The following CFAP299 variants were observed in gnomAD, a reference collection of about 807,000 sequenced individuals.
The protein encoded by CFAP299 is cilia- and flagella-associated protein 299.
CFAP299 carries 21 observed loss-of-function variants against 27.0 expected under a neutral mutation model. The ratio of observed to expected loss-of-function variants is 0.78; its 90% CI spans 0.55 to 1.12. CFAP299 has a LOEUF of 1.12. CFAP299 is among the 50% of genes most tolerant of loss of function. The probability of loss-of-function intolerance (pLI) is 0.00; values close to 1 mark genes in which losing one functional copy is unlikely to be tolerated. For missense variants in CFAP299, 310 were observed against 276.6 expected, an observed-to-expected ratio of 1.12 and a Z score of -0.86; for synonymous variants, 104 against 98.1, an observed-to-expected ratio of 1.06 and a Z score of -0.36.
At chr4:80,550,181 C>G (rs1440621155) in intron 2 of CFAP299, among the ~76,000 whole-genome samples, 7 of 152,052 alleles carry the variant, frequency 4.6e-5, no homozygotes, top group Non-Finnish European at 8.8e-5. Flanking sequence ...CTGTCCATTA[C>G]TATAGATTTT....
chr4:80,432,689 C>T (rs11938275), intron 2 of CFAP299, among the ~76,000 whole-genome samples: 1 of 151,746 alleles, frequency 6.6e-6, no homozygotes, highest in Non-Finnish European at 1.5e-5. Flanking sequence ...CCCACCACCA[C>T]GCCTGGCTAA....
chr4:80,589,797 C>A (rs1736631060), intron 3 of CFAP299, among the ~76,000 whole-genome samples: 1 of 152,084 alleles, frequency 6.6e-6, no homozygotes, highest in Non-Finnish European at 1.5e-5. Context: ...CCAGTTACTT[C>A]AAATGCAAGT....
At chr4:80,773,049 G>A (rs538432573) in intron 3 of CFAP299, among the ~76,000 whole-genome samples, 1 of 152,256 alleles carries the variant, frequency 6.6e-6, no homozygotes, top group South Asian at 2.1e-4. Context: ...ATGAGATCAC[G>A]TCCTTTGCAG....
intron 3 of CFAP299, among the ~76,000 whole-genome samples, chr4:80,637,175 AAT>A (rs2109954393): frequency 6.6e-6 from 1 of 152,330 alleles, no homozygotes; most frequent in African/African-American, 2.4e-5. Flanking sequence ...TATAATGTTT[AAT>A]AAAGATAAAG....
chr4:80,857,346 T>A (rs895982596), intron 3 of CFAP299, among the ~76,000 whole-genome samples: 3 of 152,216 alleles, frequency 2.0e-5, no homozygotes, highest in African/African-American at 7.2e-5. Context: ...TCATGTCATC[T>A]GCAAACAGGG....
chr4:80,707,972 G>A (rs1351303572), intron 3 of CFAP299, among the ~76,000 whole-genome samples: 1 of 152,088 alleles, frequency 6.6e-6, no homozygotes, highest in African/African-American at 2.4e-5. Context: ...GAAGGTGCAA[G>A]CAACACAAAT....
intron 3 of CFAP299, among the ~76,000 whole-genome samples, chr4:80,640,338 A>T (rs1478714230): frequency 6.6e-6 from 1 of 152,168 alleles, no homozygotes; most frequent in Non-Finnish European, 1.5e-5. Flanking sequence ...TAGTAGACTG[A>T]GACCAGGTTG....
At chr4:80,621,352 ACT>A (rs1243672693) in intron 3 of CFAP299, among the ~76,000 whole-genome samples, 4 of 151,962 alleles carry the variant, frequency 2.6e-5, no homozygotes, top group Non-Finnish European at 4.4e-5. Flanking sequence ...ACCAAGTAAA[ACT>A]CTCTACCAAT....
chr4:80,408,593 C>A (rs1050575260), intron 2 of CFAP299, among the ~76,000 whole-genome samples: 10 of 151,158 alleles, frequency 6.6e-5, no homozygotes, highest in East Asian at 2.0e-4. Context: ...ATTTAAGGTG[C>A]CTTTGACAGT....
At chr4:80,453,776 G>C (rs1412348195) in intron 2 of CFAP299, among the ~76,000 whole-genome samples, 1 of 150,356 alleles carries the variant, frequency 6.7e-6, no homozygotes, top group African/African-American at 2.4e-5. Context: ...GGGAGGTGGA[G>C]GTAGTGGTGA....
chr4:80,519,645 A>G (rs1428911420), intron 2 of CFAP299, among the ~76,000 whole-genome samples: 1 of 152,192 alleles, frequency 6.6e-6, no homozygotes, highest in East Asian at 1.9e-4. Flanking sequence ...TAATATAGGG[A>G]TCATTATAAA....
intron 3 of CFAP299, among the ~76,000 whole-genome samples, chr4:80,671,588 T>G (rs974718213): frequency 6.6e-6 from 1 of 152,184 alleles, no homozygotes; most frequent in Non-Finnish European, 1.5e-5. Context: ...CCTTGGGCAG[T>G]ATGGCCATTT....
At chr4:80,411,233 T>A (rs1054086484) in intron 2 of CFAP299, among the ~76,000 whole-genome samples, 7 of 152,180 alleles carry the variant, frequency 4.6e-5, no homozygotes, top group African/African-American at 1.7e-4. Context: ...ACATAGGATA[T>A]TGAAAACTTC....
At chr4:80,958,094 T>C (rs1189822896) in intron 5 of CFAP299, among the ~76,000 whole-genome samples, 3 of 152,128 alleles carry the variant, frequency 2.0e-5, no homozygotes, top group Admixed American at 6.6e-5. Flanking sequence ...CAAGAAACTC[T>C]GTCCGTAAGA....
intron 3 of CFAP299, among the ~76,000 whole-genome samples, chr4:80,710,036 G>A (rs1163588544): frequency 1.3e-5 from 2 of 152,014 alleles, no homozygotes; most frequent in African/African-American, 4.8e-5. Context: ...TCCATAAAGT[G>A]GGAATAATAC....
chr4:80,459,609 T>G (rs1729339584), intron 2 of CFAP299, among the ~76,000 whole-genome samples: 1 of 152,172 alleles, frequency 6.6e-6, no homozygotes, highest in Non-Finnish European at 1.5e-5. Context: ...GAGGCAAGAA[T>G]TCAGGTTGCT....
At chr4:80,496,385 G>C (rs1346939677) in intron 2 of CFAP299, among the ~76,000 whole-genome samples, 1 of 152,100 alleles carries the variant, frequency 6.6e-6, no homozygotes, top group Non-Finnish European at 1.5e-5. Flanking sequence ...AGATTCCTGG[G>C]GCATGAACAC....
intron 3 of CFAP299, among the ~76,000 whole-genome samples, chr4:80,649,681 T>G (rs767956696): frequency 6.6e-6 from 1 of 152,102 alleles, no homozygotes. Flanking sequence ...TAATAAACTT[T>G]TAGATCAAAA....
At chr4:80,856,683 T>A (rs890110543) in intron 3 of CFAP299, among the ~76,000 whole-genome samples, 32 of 152,238 alleles carry the variant, frequency 2.1e-4, no homozygotes, top group Non-Finnish European at 4.6e-4. Context: ...TTGCTTGTTT[T>A]TCTCAGGTTT....
Sources: gnomAD v4.1 joint callset for allele counts (sites outside exome capture counted in the v4.1 genomes callset) on GRCh38, gnomAD v4.1.1 for gene constraint, MANE v1.5 for transcripts, NCBI Gene and HGNC (gene_info 2026-07-23, HGNC 2026-07-21) for gene names.